The following SUSD1 variants were observed in gnomAD, a reference collection of about 807,000 sequenced individuals.
SUSD1 encodes sushi domain containing 1, also known as sushi domain-containing protein 1.
Under a neutral mutation model 86.9 loss-of-function variants are expected in SUSD1, and 65 were observed. The ratio of observed to expected loss-of-function variants is 0.75; its 90% confidence interval spans 0.61 to 0.92. The LOEUF (loss-of-function observed/expected upper bound fraction) is 0.92. SUSD1 is among the 40% of genes least tolerant of loss of function. SUSD1 has a pLI of 0.00. For missense variants in SUSD1, 850 were observed against 929.7 expected (o/e 0.91, Z 1.11); for synonymous variants, 346 against 350.0 (o/e 0.99, Z 0.13).
chr9:112,103,316 G>T (rs1240455942), intron 8 of SUSD1, among the ~76,000 whole-genome samples: 1 of 152,156 alleles, frequency 6.6e-6, no homozygotes, highest in Non-Finnish European at 1.5e-5. Flanking sequence ...TTATGAGAGA[G>T]AATTTGAAGA....
chr9:112,077,747 C>T (rs1026745652), intron 12 of SUSD1, among the ~76,000 whole-genome samples: 1 of 151,880 alleles, frequency 6.6e-6, no homozygotes, highest in Non-Finnish European at 1.5e-5. Flanking sequence ...ACATGATCAA[C>T]CCTCCTCAGC....
intron 12 of SUSD1, among the ~76,000 whole-genome samples, chr9:112,073,306 T>C (rs895737740): frequency 3.3e-5 from 5 of 152,332 alleles, no homozygotes; most frequent in South Asian, 2.1e-4. Context: ...ACTGAAGACA[T>C]GGGAATAAAT....
At chr9:112,116,470 T>C (rs1367186328) in intron 6 of SUSD1, among the ~76,000 whole-genome samples, 1 of 152,256 alleles carries the variant, frequency 6.6e-6, no homozygotes, top group Non-Finnish European at 1.5e-5. Flanking sequence ...ATAGTGCTGA[T>C]AACTGAAAAC....
At chr9:112,072,140 C>CTCTTTTTTTT (rs1564267825) in intron 12 of SUSD1, among the ~76,000 whole-genome samples, 1 of 121,168 alleles carries the variant, frequency 8.3e-6, no homozygotes, top group African/African-American at 3.2e-5. Flanking sequence ...CTTTCTTTCT[C>CTCTTTTTTTT]TTTTTTTTTT....
intron 10 of SUSD1, among the ~76,000 whole-genome samples, chr9:112,098,153 C>A (rs1830476286): frequency 6.6e-6 from 1 of 152,080 alleles, no homozygotes; most frequent in South Asian, 2.1e-4. Flanking sequence ...ATAATGAATA[C>A]CCTTAGGGTT....
chr9:112,104,293 C>A (rs1178039680), intron 8 of SUSD1, among the ~76,000 whole-genome samples: 3 of 152,046 alleles, frequency 2.0e-5, no homozygotes, highest in African/African-American at 7.2e-5. Flanking sequence ...GCTGGGATTA[C>A]AGGCATGAAC....
intron 1 of SUSD1, among the ~76,000 whole-genome samples, chr9:112,171,498 C>T (rs1294196811): frequency 1.3e-5 from 2 of 152,152 alleles, no homozygotes; most frequent in African/African-American, 4.8e-5. Context: ...AAGTGTACAA[C>T]CAAGGCACGG....
At chr9:112,071,582 T>G (rs1424893094) in intron 12 of SUSD1, among the ~76,000 whole-genome samples, 1 of 152,142 alleles carries the variant, frequency 6.6e-6, no homozygotes, top group Non-Finnish European at 1.5e-5. Flanking sequence ...AAAAGGGTAG[T>G]ATAAGTACAA....
At chr9:112,049,122 C>T (rs1828079540) in intron 15 of SUSD1, among the ~76,000 whole-genome samples, 1 of 152,100 alleles carries the variant, frequency 6.6e-6, no homozygotes, top group South Asian at 2.1e-4. Flanking sequence ...GGAGGATTTG[C>T]CCGTCATCCC....
intron 8 of SUSD1, among the ~76,000 whole-genome samples, chr9:112,106,182 G>C (rs1046675171): frequency 3.3e-5 from 5 of 151,964 alleles, no homozygotes; most frequent in African/African-American, 1.2e-4. Context: ...TAGAGACAGG[G>C]TTTAGCCATG....
rs1832503553 is a variant in SUSD1 at position 112,140,252 on chromosome 9, C to CA, written c.706+2067_706+2068insT. On this transcript the variant is annotated intron_variant, in intron 5 of 16. Coordinates refer to ENST00000374270, the MANE Select transcript of SUSD1 (RefSeq NM_022486.5). ...TGGCGGGCGCCTGTAGTCCCAGCTA[C>CA]TGGGGAGGCTGAGGCAGGAGAATGG... 2.3e-5 allele frequency among the ~76,000 whole-genome samples: 3 copies of CA among 127,912 alleles called. 1 individual carries two copies. Among genetic ancestry groups the CA allele is most frequent in the Non-Finnish European group, 4.8e-5 (3 of 63,112 alleles). The allele number at this position is 127,912 out of a possible 152,430, so 83.9% of individuals were successfully genotyped here.
At chr9:112,064,046 T>TTTTTTTTTTTTTTTTTTGTGGGG (rs1491139474) in intron 12 of SUSD1, among the ~76,000 whole-genome samples, 1 of 78,656 alleles carries the variant, frequency 1.3e-5, no homozygotes, top group Non-Finnish European at 3.0e-5. Flanking sequence ...TTTCTTTTTT[T>TTTTTTTTTTTTTTTTTTGTGGGG]GGGGGGGGGG....
chr9:112,058,769 T>C (rs1828572398), intron 13 of SUSD1, 83 bp from the exon 14 acceptor site: 10 of 1,523,172 alleles, frequency 6.6e-6, no homozygotes, highest in Non-Finnish European at 8.8e-6. Flanking sequence ...GCACCTGCTA[T>C]GAGACAAACC....
chr9:112,078,670 A>C lies in SUSD1; in HGVS notation c.1621T>G (p.Phe541Val), dbSNP rs1159536208. ...TCTCGGCTGCTGCTACTGATATTAA[A>C]GGTCATTTCCTGGGCAAATTCCTTC... ...YQKEFAQEMT[F>V]NISSSSRDPE... Residue 541 changes from phenylalanine to valine, a missense_variant, in exon 12 of 17, where the codon TTT (phenylalanine) becomes GTT (valine). By Grantham distance (50) the Phe-to-Val change is conservative. Coordinates refer to ENST00000374270, the MANE Select transcript of SUSD1 (RefSeq NM_022486.5). 1 of 1,613,962 alleles carries C rather than the reference A, an allele frequency of 6.2e-7. No individual in the cohort carries two copies. Among genetic ancestry groups the C allele is most frequent in the East Asian group, 2.2e-5 (1 of 44,896 alleles).
At chr9:112,042,953 C>A (rs3893896) in intron 15 of SUSD1, among the ~76,000 whole-genome samples, 16 of 83,370 alleles carry the variant, frequency 1.9e-4, no homozygotes, top group African/African-American at 9.3e-4. Context: ...AAATTATAAC[C>A]GAGAAAATTA....
At chr9:112,145,971 A>C (rs1337672138) in intron 3 of SUSD1, 4 of 152,194 alleles carry the variant, frequency 2.6e-5, no homozygotes, top group African/African-American at 9.7e-5. Context: ...TGACATTCAG[A>C]GGCCTACCTG....
chr9:112,087,147 ACTC>A (rs1259480055), intron 10 of SUSD1, among the ~76,000 whole-genome samples: 1 of 151,836 alleles, frequency 6.6e-6, no homozygotes, highest in Admixed American at 6.6e-5. Flanking sequence ...TATGAAGAAA[ACTC>A]CTTGAGTCAG....
chr9:112,053,780 T>C (rs1400222655), intron 14 of SUSD1, among the ~76,000 whole-genome samples: 2 of 152,194 alleles, frequency 1.3e-5, no homozygotes, highest in Admixed American at 6.5e-5. Context: ...CTGAAATGCC[T>C]GGATCATACT....
At chr9:112,172,367 C>G (rs528802843) in intron 1 of SUSD1, among the ~76,000 whole-genome samples, 12 of 152,150 alleles carry the variant, frequency 7.9e-5, no homozygotes, top group Non-Finnish European at 1.3e-4. Context: ...TTCCCATCTC[C>G]TAGTTTCCTT....
Sources: allele counts gnomAD v4.1 joint callset (sites outside exome capture counted in the v4.1 genomes callset), GRCh38; gene constraint gnomAD v4.1.1; transcripts MANE v1.5; gene names NCBI Gene and HGNC (gene_info 2026-07-23, HGNC 2026-07-21).